SPAG16: variants seen among roughly 807,000 people sequenced by gnomAD.
The protein encoded by SPAG16 is sperm associated antigen 16, also known as sperm-associated antigen 16 protein.
Under a neutral mutation model 80.4 loss-of-function variants are expected in SPAG16, and 86 were observed. The observed-to-expected ratio is 1.07, with a 90% CI of 0.90 to 1.28. SPAG16 has a LOEUF of 1.28. Among genes scored for constraint, SPAG16 ranks in the 50% most tolerant of loss-of-function variants. The probability of loss-of-function intolerance (pLI) is 0.00; values close to 1 mark genes in which losing one functional copy is unlikely to be tolerated. For synonymous variants in SPAG16, 294 were observed against 265.9 expected (o/e 1.11, Z -1.03); for missense variants, 870 against 765.3 (o/e 1.14, Z -1.61).
At chr2:213,435,862 T>C (rs974483877) in intron 9 of SPAG16, among the ~76,000 whole-genome samples, 5 of 152,220 alleles carry the variant, frequency 3.3e-5, no homozygotes, top group Admixed American at 2.6e-4. Flanking sequence ...ATGCCAAGGC[T>C]GTCTTTATAA....
intron 15 of SPAG16, among the ~76,000 whole-genome samples, chr2:214,273,701 T>TTGTACAGTTTGAACTCAGGTAGTG (rs1233946408): frequency 6.6e-6 from 1 of 151,432 alleles, no homozygotes; most frequent in Admixed American, 6.6e-5. Context: ...TACTGTACCC[T>TTGTACAGTTTGAACTCAGGTAGTG]TGTAACATAG....
chr2:214,178,749 C>T (rs182236703), intron 15 of SPAG16, among the ~76,000 whole-genome samples: 3 of 151,214 alleles, frequency 2.0e-5, no homozygotes, highest in East Asian at 1.9e-4. Flanking sequence ...TTCTATTACC[C>T]AGTATTCGAA....
chr2:214,040,726 G>A (rs1257033633), intron 13 of SPAG16, among the ~76,000 whole-genome samples: 2 of 151,952 alleles, frequency 1.3e-5, no homozygotes, highest in East Asian at 3.8e-4. Flanking sequence ...TCTTGTCATT[G>A]TTTTTATTTC....
chr2:213,802,858 A>G (rs979398587), intron 10 of SPAG16, among the ~76,000 whole-genome samples: 3 of 152,094 alleles, frequency 2.0e-5, no homozygotes, highest in Non-Finnish European at 4.4e-5. Context: ...AGAAAAAAAA[A>G]GTAGACTAAA....
chr2:213,635,167 T>C (rs1263033678), intron 10 of SPAG16, among the ~76,000 whole-genome samples: 1 of 151,910 alleles, frequency 6.6e-6, no homozygotes, highest in Non-Finnish European at 1.5e-5. Context: ...CCTGAGTAGC[T>C]GGGAATACAG....
chr2:213,588,696 G>C (rs1287469155), intron 10 of SPAG16, among the ~76,000 whole-genome samples: 5 of 150,726 alleles, frequency 3.3e-5, no homozygotes, highest in Non-Finnish European at 5.9e-5. Flanking sequence ...CAGCTACTCG[G>C]GAGGCTGAGG....
At chr2:213,559,627 C>T (rs1409688336) in intron 10 of SPAG16, among the ~76,000 whole-genome samples, 1 of 152,042 alleles carries the variant, frequency 6.6e-6, no homozygotes, top group Non-Finnish European at 1.5e-5. Flanking sequence ...TTTAGTTACT[C>T]TTACAATAAG....
At chr2:213,509,315 C>G (rs2075124576) in intron 10 of SPAG16, among the ~76,000 whole-genome samples, 1 of 152,016 alleles carries the variant, frequency 6.6e-6, no homozygotes, top group African/African-American at 2.4e-5. Context: ...TAGAGTAGAC[C>G]AAAGTAATTG....
At chr2:213,679,045 A>G (rs2064245362) in intron 10 of SPAG16, among the ~76,000 whole-genome samples, 1 of 152,130 alleles carries the variant, frequency 6.6e-6, no homozygotes, top group Non-Finnish European at 1.5e-5. Flanking sequence ...CATGCACCAG[A>G]CATCCTCCTT....
At chr2:213,566,503 C>A (rs1005999421) in intron 10 of SPAG16, among the ~76,000 whole-genome samples, 3 of 152,020 alleles carry the variant, frequency 2.0e-5, no homozygotes, top group Admixed American at 6.6e-5. Context: ...CTTTAAAAAT[C>A]CAGCCAAGTA....
At chr2:213,763,495 A>G (rs2068770233) in intron 10 of SPAG16, among the ~76,000 whole-genome samples, 1 of 152,178 alleles carries the variant, frequency 6.6e-6, no homozygotes. Context: ...ATAGAAGCAG[A>G]AACTTGAATA....
intron 12 of SPAG16, among the ~76,000 whole-genome samples, chr2:213,972,049 G>A (rs1412962141): frequency 2.0e-5 from 3 of 151,386 alleles, no homozygotes; most frequent in Non-Finnish European, 4.4e-5. Context: ...TAGGGTAAAT[G>A]GGCTATTCAT....
intron 15 of SPAG16, among the ~76,000 whole-genome samples, chr2:214,372,927 G>A (rs552609537): frequency 1.3e-5 from 2 of 152,150 alleles, no homozygotes; most frequent in East Asian, 1.9e-4. Flanking sequence ...TCAAATATAT[G>A]TACCAGCAAA....
Position 213,832,011 on chromosome 2 carries a change from T to A in SPAG16, c.1071-30474T>A, listed in dbSNP as rs375973449. ...AATTCTCTTTATTTTTTTAATTTTT[T>A]ATTTTTTTGAGCACTCACTCTGTCA... On this transcript the variant is annotated intron_variant, in intron 10 of 15. Coordinates refer to ENST00000331683, the MANE Select transcript of SPAG16 (RefSeq NM_024532.5). Among the ~76,000 whole-genome samples, 113 of 152,222 alleles carry A rather than the reference T, an allele frequency of 7.4e-4. 1 individual carries two copies. The South Asian group carries it at 0.016, about 22-fold the overall frequency.
chr2:213,974,843 T>G (rs2045275806), intron 12 of SPAG16, among the ~76,000 whole-genome samples: 1 of 151,752 alleles, frequency 6.6e-6, no homozygotes, highest in Non-Finnish European at 1.5e-5. Context: ...GAGCTGGGAT[T>G]TGAATCCATT....
At chr2:213,561,581 A>G (rs2059599447) in intron 10 of SPAG16, among the ~76,000 whole-genome samples, 1 of 152,194 alleles carries the variant, frequency 6.6e-6, no homozygotes, top group South Asian at 2.1e-4. Flanking sequence ...TATGCATATA[A>G]TTCTTTACCT....
intron 10 of SPAG16, among the ~76,000 whole-genome samples, chr2:213,853,350 C>T (rs1052444225): frequency 2.6e-5 from 4 of 152,188 alleles, no homozygotes; most frequent in South Asian, 2.1e-4. Flanking sequence ...AATATCCTCT[C>T]GTAATGCCAC....
At chr2:213,627,270 C>T (rs1375872218) in intron 10 of SPAG16, among the ~76,000 whole-genome samples, 1 of 152,180 alleles carries the variant, frequency 6.6e-6, no homozygotes, top group African/African-American at 2.4e-5. Context: ...GAGAGAATTA[C>T]AGTGGAGCAA....
intron 10 of SPAG16, among the ~76,000 whole-genome samples, chr2:213,602,372 G>A (rs949175410): frequency 3.9e-5 from 6 of 152,154 alleles, no homozygotes; most frequent in African/African-American, 1.4e-4. Context: ...TGGGGCTCTC[G>A]CCTGTAATCC....
Sources: gnomAD v4.1 joint callset for allele counts (sites outside exome capture counted in the v4.1 genomes callset) on GRCh38, gnomAD v4.1.1 for gene constraint, MANE v1.5 for transcripts, NCBI Gene and HGNC (gene_info 2026-07-23, HGNC 2026-07-21) for gene names.